Variants in CACNG5 observed in about 807,000 individuals in gnomAD.
CACNG5 encodes the protein calcium voltage-gated channel auxiliary subunit gamma 5.
In CACNG5, 18 loss-of-function variants were observed where a neutral mutation model predicts 24.8. The observed-to-expected ratio is 0.73, with a 90% CI of 0.50 to 1.08. CACNG5 has a LOEUF of 1.08. Among genes scored for constraint, CACNG5 ranks in the 50% least tolerant of loss-of-function variants. CACNG5 has a pLI of 0.00. For synonymous variants in CACNG5, 157 were observed against 149.1 expected (o/e 1.05, Z -0.39); for missense variants, 349 against 367.9 (o/e 0.95, Z 0.42).
rs1977347789 is a variant in CACNG5 at position 66,891,717 on chromosome 17, AG to A, written c.*6478del. Among the ~76,000 whole-genome samples, 1 of 152,184 alleles carries A rather than the reference AG, an allele frequency of 6.6e-6. No individual in the cohort carries two copies. Among genetic ancestry groups the A allele is most frequent in the East Asian group, 1.9e-4 (1 of 5,202 alleles). On this transcript the variant is annotated 3_prime_UTR_variant, in exon 6 of 6. Coordinates refer to ENST00000533854, the MANE Select transcript of CACNG5 (RefSeq NM_145811.3). ...AAGAGAACGTAGATCCCACCATCTCAGATGTGAGGAGTGTCAGAGTTCCATT... is the reference window on the plus strand; with the variant it reads ...AAGAGAACGTAGATCCCACCATCTCAATGTGAGGAGTGTCAGAGTTCCATT...
At chr17:66,842,154 C>A (rs1976578468) in intron 1 of CACNG5, among the ~76,000 whole-genome samples, 1 of 152,150 alleles carries the variant, frequency 6.6e-6, no homozygotes, top group African/African-American at 2.4e-5. Context: ...GCAGAGGAGG[C>A]CTGTGAAATA....
At position 66,884,673 on chromosome 17, in the gene CACNG5, C is replaced by T. The variant is rs1159151199; in HGVS notation, c.570+12C>T. The stretch of plus-strand genomic sequence containing the variant: ...TCCTTTTAACGGAGGTAAAGCCCGT[C>T]ACCCTAAGTATGGATAGGCTGGGCC... On this transcript the variant is annotated intron_variant, in intron 5 of 5. Coordinates refer to ENST00000533854, the MANE Select transcript of CACNG5 (RefSeq NM_145811.3). 1.3e-5 allele frequency: 21 copies of T among 1,614,090 alleles called. No individual in the cohort carries two copies. Among genetic ancestry groups the T allele is most frequent in the African/African-American group, 2.7e-5 (2 of 74,928 alleles).
intron 4 of CACNG5, among the ~76,000 whole-genome samples, chr17:66,883,181 A>G (rs1189900883): frequency 6.6e-6 from 1 of 152,164 alleles, no homozygotes; most frequent in African/African-American, 2.4e-5. Context: ...CACGAAGTCT[A>G]TGAGGTACAG....
Position 66,890,933 on chromosome 17 carries a change from A to G in CACNG5, c.*5693A>G, listed in dbSNP as rs1391234717. Among the ~76,000 whole-genome samples, 1 of 152,200 alleles carries G rather than the reference A, an allele frequency of 6.6e-6. No homozygotes were observed. Among genetic ancestry groups the G allele is most frequent in the Admixed American group, 6.5e-5 (1 of 15,290 alleles). ...CTCCAAAGAATGTGGAATTTAGCTA[A>G]GAGATCAGATACTTGCAGCACCCCA... On this transcript the variant is annotated 3_prime_UTR_variant, in exon 6 of 6. Transcript: ENST00000533854.
rs574575402 is a variant in CACNG5 at position 66,849,376 on chromosome 17, G to T, written c.-104+14126G>T. Among the ~76,000 whole-genome samples the T allele has an allele frequency of 6.3e-4, 96 of 152,076 alleles. 1 individual carries two copies. The highest frequency in any genetic ancestry group is 1.3e-3 in the Non-Finnish European group (86 of 67,974). On this transcript the variant is annotated intron_variant, in intron 1 of 5. Coordinates refer to ENST00000533854, the MANE Select transcript of CACNG5 (RefSeq NM_145811.3). The stretch of plus-strand genomic sequence containing the variant: ...GGAGGAGGCCAGCAGGCCCGATGGA[G>T]CCAGCCCAGGAAGGCAGGGCAGGAA...
chr17:66,848,260 C>T (rs1468051388), intron 1 of CACNG5, among the ~76,000 whole-genome samples: 1 of 152,158 alleles, frequency 6.6e-6, no homozygotes, highest in South Asian at 2.1e-4. Context: ...CCTGTATTCT[C>T]CCCTCATTCC....
intron 1 of CACNG5, among the ~76,000 whole-genome samples, chr17:66,869,256 G>T (rs1019093180): frequency 6.6e-6 from 1 of 151,980 alleles, no homozygotes; most frequent in Admixed American, 6.6e-5. Context: ...GCTAATTTTT[G>T]TATTTTTAAT....
intron 1 of CACNG5, among the ~76,000 whole-genome samples, chr17:66,845,469 A>AAC (rs1555655151): frequency 6.6e-6 from 1 of 151,592 alleles, no homozygotes; most frequent in East Asian, 1.9e-4. Flanking sequence ...TTTAAAAAAA[A>AAC]AAAACAAAAA....
chr17:66,893,370 A>G lies in CACNG5; in HGVS notation c.*8130A>G, dbSNP rs1228589854. Among the ~76,000 whole-genome samples, 3 of 152,158 alleles carry G rather than the reference A, an allele frequency of 2.0e-5. No individual in the cohort carries two copies. The highest frequency in any genetic ancestry group is 4.4e-5 in the Non-Finnish European group (3 of 68,032). Reference sequence around the variant, plus strand: ...CGTTAATCCTGACTCCTTCTCTCCCATCTCTACTCATGATGCCAACCAATG... The same window carrying G: ...CGTTAATCCTGACTCCTTCTCTCCCGTCTCTACTCATGATGCCAACCAATG... On this transcript the variant is annotated 3_prime_UTR_variant, in exon 6 of 6. Coordinates refer to ENST00000533854, the MANE Select transcript of CACNG5 (RefSeq NM_145811.3).
At position 66,848,078 on chromosome 17, in the gene CACNG5, C is replaced by T. The variant is rs187085959; in HGVS notation, c.-104+12828C>T. On this transcript the variant is annotated intron_variant, in intron 1 of 5. Transcript: ENST00000533854. ...AAAATGTCTTTCTCACCCTTCATGT[C>T]GGGACAACCTCGTTGCTCCCACCCA... Among the ~76,000 whole-genome samples, 13 of 152,264 alleles carry T rather than the reference C, an allele frequency of 8.5e-5. No homozygotes were observed. In the East Asian group the frequency reaches 1.5e-3, roughly 18 times the overall value.
At chr17:66,871,758 G>T (rs1977009990) in intron 1 of CACNG5, among the ~76,000 whole-genome samples, 1 of 152,168 alleles carries the variant, frequency 6.6e-6, no homozygotes, top group Non-Finnish European at 1.5e-5. Flanking sequence ...TACTCAGGAG[G>T]CTGAGGCAGG....
At chr17:66,880,138 C>T (rs187861028) in intron 3 of CACNG5, among the ~76,000 whole-genome samples, 116 of 152,260 alleles carry the variant, frequency 7.6e-4, no homozygotes, top group African/African-American at 2.7e-3. Flanking sequence ...TGTAACTGTC[C>T]CCTGCACCAT....
chr17:66,851,506 G>A (rs997023207), intron 1 of CACNG5, among the ~76,000 whole-genome samples: 3 of 152,220 alleles, frequency 2.0e-5, no homozygotes, highest in African/African-American at 7.2e-5. Context: ...AAACATGGTT[G>A]TAGAACAGTG....
In CACNG5 at chr17:66,843,808, G is replaced by A. The variant is rs143991390; in HGVS notation, c.-104+8558G>A. 3.0e-3 allele frequency among the ~76,000 whole-genome samples: 464 copies of A among 152,250 alleles called. 2 individuals are homozygous for A. Among genetic ancestry groups the A allele is most frequent in the African/African-American group, 0.01 (419 of 41,544 alleles). ...GCCAGCTGTCAGCCTGGTCCTGGGT[G>A]GGGGGAGGCAGGAACCACTGGAATA... On this transcript the variant is annotated intron_variant, in intron 1 of 5. Coordinates refer to ENST00000533854, the MANE Select transcript of CACNG5 (RefSeq NM_145811.3).
chr17:66,877,299 G>A lies in CACNG5; in HGVS notation c.-34G>A, dbSNP rs765869634. On this transcript the variant is annotated 5_prime_UTR_variant, in exon 2 of 6. It adds an upstream start codon to the 5' untranslated region. Transcript: ENST00000533854. ...GAGCGCAGTCCGTGCTGGTGGGAGC[G>A]TGGCGACTAGTTGCACAGCAACGGT... 74 of 1,591,368 alleles carry A rather than the reference G, an allele frequency of 4.7e-5. No individual in the cohort carries two copies. The highest frequency in any genetic ancestry group is 5.6e-5 in the Non-Finnish European group (65 of 1,163,438).
At chr17:66,837,056 A>G (rs903616622) in intron 1 of CACNG5, among the ~76,000 whole-genome samples, 1 of 152,230 alleles carries the variant, frequency 6.6e-6, no homozygotes, top group Non-Finnish European at 1.5e-5. Flanking sequence ...GAATGCTTGG[A>G]GGCTCAGCCT....
At chr17:66,843,807 TG>T (rs1300000533) in intron 1 of CACNG5, among the ~76,000 whole-genome samples, 1 of 151,682 alleles carries the variant, frequency 6.6e-6, no homozygotes, top group African/African-American at 2.4e-5. Flanking sequence ...TGGTCCTGGG[TG>T]GGGGGAGGCA....
intron 1 of CACNG5, among the ~76,000 whole-genome samples, chr17:66,841,229 A>C (rs1976563320): frequency 6.6e-6 from 1 of 152,194 alleles, no homozygotes; most frequent in African/African-American, 2.4e-5. Context: ...TCCAGGTCAC[A>C]GGTAGGTGAG....
chr17:66,885,015 G>T lies in CACNG5; in HGVS notation c.603G>T (p.Met201Ile). The change falls in exon 6 of 6, where the codon ATG (methionine) becomes ATT (isoleucine). Residue 201 changes from methionine to isoleucine, a missense_variant. Transcript: ENST00000533854. The part of the protein sequence containing the change: ...SAGVMSVYLF[M>I]KRYTAEDMYR... ...GGGTGATGTCTGTGTACCTGTTTATGAAGCGGTACACCGCGGAGGACATGT... is the reference window on the plus strand; with the variant it reads ...GGGTGATGTCTGTGTACCTGTTTATTAAGCGGTACACCGCGGAGGACATGT... 6.2e-7 allele frequency: 1 copy of T among 1,614,126 alleles called. No homozygotes were observed. Among genetic ancestry groups the T allele is most frequent in the Non-Finnish European group, 8.5e-7 (1 of 1,180,002 alleles).
Sources: allele counts gnomAD v4.1 joint callset (sites outside exome capture counted in the v4.1 genomes callset), GRCh38; gene constraint gnomAD v4.1.1; transcripts MANE v1.5; gene names NCBI Gene and HGNC (gene_info 2026-07-23, HGNC 2026-07-21).